The following SP4 variants were observed in gnomAD, a reference collection of about 807,000 sequenced individuals.
SP4 encodes Sp4 transcription factor.
SP4 carries 19 observed loss-of-function variants against 72.8 expected under a neutral mutation model. That is an observed-to-expected ratio of 0.26 (90% CI 0.18 to 0.38). The LOEUF (loss-of-function observed/expected upper bound fraction) is 0.38, where lower values mean the gene tolerates loss of function less well. Ranked by LOEUF, SP4 falls within the 10% of genes least tolerant of loss-of-function variation. The probability of loss-of-function intolerance (pLI) is 1.00; values close to 1 mark genes in which losing one functional copy is unlikely to be tolerated. For missense variants in SP4, 1,008 were observed against 926.3 expected, an observed-to-expected ratio of 1.09 and a Z score of -1.14; for synonymous variants, 395 against 333.1, an observed-to-expected ratio of 1.19 and a Z score of -2.02.
chr7:21,463,839 A>G (rs1162762706), intron 3 of SP4, among the ~76,000 whole-genome samples: 5 of 152,162 alleles, frequency 3.3e-5, no homozygotes, highest in Non-Finnish European at 2.9e-5. Flanking sequence ...TAGAATACTT[A>G]TAGATTTATT....
intron 5 of SP4, among the ~76,000 whole-genome samples, chr7:21,501,853 G>C: frequency 6.6e-6 from 1 of 152,094 alleles, no homozygotes; most frequent in East Asian, 1.9e-4. Flanking sequence ...TGTTTTCCCA[G>C]GCCATTTGGC....
At chr7:21,477,055 C>A in intron 3 of SP4, 24 bp from the exon 4 acceptor site, 1 of 1,562,770 alleles carries the variant, frequency 6.4e-7, no homozygotes, top group Non-Finnish European at 8.8e-7. Flanking sequence ...CATTACAATA[C>A]TTCTTTTTTT....
chr7:21,468,064 A>G (rs565354303), intron 3 of SP4, among the ~76,000 whole-genome samples: 5 of 152,256 alleles, frequency 3.3e-5, no homozygotes, highest in East Asian at 3.9e-4. Flanking sequence ...ACTATTTACT[A>G]TAAGAAAAAA....
intron 3 of SP4, among the ~76,000 whole-genome samples, chr7:21,470,689 G>A (rs1475018526): frequency 6.9e-6 from 1 of 144,932 alleles, no homozygotes; most frequent in South Asian, 2.2e-4. Context: ...CAATTCAGAT[G>A]TCTTACTACC....
At chr7:21,486,326 C>A (rs1365477298) in intron 5 of SP4, among the ~76,000 whole-genome samples, 2 of 151,986 alleles carry the variant, frequency 1.3e-5, no homozygotes, top group Non-Finnish European at 2.9e-5. Flanking sequence ...TCTTGTATAA[C>A]CACAGTACCT....
chr7:21,479,264 G>GTT (rs57884512), intron 4 of SP4, among the ~76,000 whole-genome samples: 9,163 of 139,540 alleles, frequency 0.066, 591 homozygotes, highest in East Asian at 0.28. Flanking sequence ...ATTCCTAGTT[G>GTT]TTTTTTTTTT....
chr7:21,472,510 C>G (rs1213752661), intron 3 of SP4, among the ~76,000 whole-genome samples: 1 of 151,752 alleles, frequency 6.6e-6, no homozygotes, highest in Non-Finnish European at 1.5e-5. Context: ...CTAGGTTGGT[C>G]TTGAACTCCT....
chr7:21,437,075 T>C (rs2128392409), intron 3 of SP4, among the ~76,000 whole-genome samples: 1 of 152,338 alleles, frequency 6.6e-6, no homozygotes, highest in Non-Finnish European at 1.5e-5. Context: ...TTCAGGCTAG[T>C]ATCAATAACT....
intron 3 of SP4, among the ~76,000 whole-genome samples, chr7:21,464,295 A>T (rs889393152): frequency 5.3e-5 from 8 of 151,676 alleles, no homozygotes; most frequent in Admixed American, 5.3e-4. Flanking sequence ...ACAGGGTTTC[A>T]CTGTGTTAGC....
intron 3 of SP4, among the ~76,000 whole-genome samples, chr7:21,432,765 G>A (rs1782908378): frequency 6.6e-6 from 1 of 152,132 alleles, no homozygotes; most frequent in Admixed American, 6.5e-5. Flanking sequence ...AGGCCAGGGT[G>A]GGAGGATTGC....
At chr7:21,507,267 C>A (rs1356803747) in intron 5 of SP4, among the ~76,000 whole-genome samples, 1 of 152,198 alleles carries the variant, frequency 6.6e-6, no homozygotes, top group Non-Finnish European at 1.5e-5. Context: ...ATGGGAACTC[C>A]CCTAAGAGGG....
At chr7:21,472,782 A>G (rs898460342) in intron 3 of SP4, among the ~76,000 whole-genome samples, 6 of 151,940 alleles carry the variant, frequency 3.9e-5, no homozygotes, top group South Asian at 2.1e-4. Context: ...CTTAAAAAAA[A>G]AGAAAAAAAA....
At chr7:21,483,822 AC>A (rs1427078088) in intron 5 of SP4, among the ~76,000 whole-genome samples, 1 of 150,772 alleles carries the variant, frequency 6.6e-6, no homozygotes, top group Non-Finnish European at 1.5e-5. Context: ...CAGAACACCT[AC>A]CCTTTTCAGA....
chr7:21,439,220 T>C (rs1251774234), intron 3 of SP4, among the ~76,000 whole-genome samples: 2 of 152,148 alleles, frequency 1.3e-5, no homozygotes, highest in Non-Finnish European at 1.5e-5. Context: ...TAGAGAACAA[T>C]TGGAAAATCT....
intron 5 of SP4, among the ~76,000 whole-genome samples, chr7:21,503,125 T>TA (rs1208555943): frequency 6.6e-6 from 1 of 152,142 alleles, no homozygotes; most frequent in Non-Finnish European, 1.5e-5. Context: ...TTCCAAGTCT[T>TA]AATCAGCACC....
chr7:21,508,572 C>G lies in SP4; in HGVS notation c.2108-2450C>G, dbSNP rs866456425. On this transcript the variant is annotated intron_variant, in intron 5 of 5. Transcript: ENST00000222584. ...TCAAACTCCTGACCTCAGGGTCCAC[C>G]CACCTCAGCCTCCTAAAGTGCTGGG... Among the ~76,000 whole-genome samples the G allele has an allele frequency of 1.1e-4, 17 of 152,092 alleles. 1 individual carries two copies. Among genetic ancestry groups the G allele is most frequent in the Admixed American group, 8.5e-4 (13 of 15,256 alleles).
chr7:21,428,751 C>T lies in SP4; in HGVS notation c.82C>T (p.Pro28Ser), dbSNP rs1335164742. 2.6e-6 allele frequency: 4 copies of T among 1,552,548 alleles called. No individual in the cohort carries two copies. Among genetic ancestry groups the T allele is most frequent in the Non-Finnish European group, 1.7e-6 (2 of 1,147,718 alleles). The part of the protein sequence containing the change: ...MATEGGKTSE[P>S]ENNNKKPKTS... ...TACAGAAGGAGGGAAAACCTCTGAG[C>T]CAGAGAATAACAATAAAAAACCCAA... Residue 28 changes from proline (P) to serine (S), a missense_variant, in exon 2 of 6, where the codon CCA becomes TCA. By Grantham distance (74) the Pro-to-Ser change is moderately conservative. Around this residue, in one of 3 missense-constraint regions of SP4, gnomAD observed 893 missense variants for 743.3 expected, o/e 1.20. Transcript: ENST00000222584.
intron 4 of SP4, among the ~76,000 whole-genome samples, chr7:21,478,347 G>T (rs958582566): frequency 2.0e-5 from 3 of 152,072 alleles, no homozygotes; most frequent in Admixed American, 6.5e-5. Flanking sequence ...GTTTGTGTGG[G>T]CATATGTTTT....
intron 5 of SP4, among the ~76,000 whole-genome samples, chr7:21,507,331 C>T (rs888784632): frequency 6.6e-6 from 1 of 152,242 alleles, no homozygotes; most frequent in African/African-American, 2.4e-5. Context: ...CAATATCCCT[C>T]TTACAGTGTT....
Sources: allele counts gnomAD v4.1 joint callset (sites outside exome capture counted in the v4.1 genomes callset), GRCh38; gene constraint gnomAD v4.1.1; regional missense constraint gnomAD v4.1.1; transcripts MANE v1.5; gene names NCBI Gene and HGNC (gene_info 2026-07-23, HGNC 2026-07-21).